Variants in CAMKMT observed in about 807,000 individuals in gnomAD.
The protein encoded by CAMKMT is calmodulin-lysine N-methyltransferase.
In CAMKMT, 53 loss-of-function variants were observed where a neutral mutation model predicts 48.0. The observed-to-expected ratio is 1.10, with a 90% confidence interval of 0.89 to 1.39. The LOEUF is 1.39. Ranked by LOEUF, CAMKMT falls within the 40% of genes most tolerant of loss-of-function variation. The pLI is 0.00. For missense variants in CAMKMT, 428 were observed against 402.7 expected (o/e 1.06, Z -0.54); for synonymous variants, 165 against 152.3 (o/e 1.08, Z -0.61).
At chr2:44,367,256 G>A (rs939138344) in intron 1 of CAMKMT, among the ~76,000 whole-genome samples, 6 of 152,044 alleles carry the variant, frequency 3.9e-5, no homozygotes, top group African/African-American at 1.4e-4. Context: ...TCCGAGAAAG[G>A]AAACCTGGTT....
At chr2:44,489,003 C>T (rs1335775678) in intron 3 of CAMKMT, among the ~76,000 whole-genome samples, 2 of 151,796 alleles carry the variant, frequency 1.3e-5, no homozygotes, top group African/African-American at 4.8e-5. Context: ...GGAGCTGGGA[C>T]TGCAGGTATA....
intron 3 of CAMKMT, among the ~76,000 whole-genome samples, chr2:44,571,832 A>G (rs1668922299): frequency 6.6e-6 from 1 of 152,148 alleles, no homozygotes; most frequent in Admixed American, 6.5e-5. Context: ...ATTAAAAACT[A>G]AAAAAGAGAC....
chr2:44,384,833 G>A (rs1001255270), intron 2 of CAMKMT, among the ~76,000 whole-genome samples: 2 of 152,038 alleles, frequency 1.3e-5, no homozygotes, highest in African/African-American at 4.8e-5. Context: ...CTGTTCCAGT[G>A]GTCTCTGTGC....
chr2:44,568,966 G>C (rs1202140403), intron 3 of CAMKMT, among the ~76,000 whole-genome samples: 3 of 152,162 alleles, frequency 2.0e-5, no homozygotes, highest in Non-Finnish European at 2.9e-5. Context: ...CAATGGTGGT[G>C]GTTGAAATGT....
chr2:44,705,141 A>AT (rs891420952), intron 4 of CAMKMT, among the ~76,000 whole-genome samples: 1 of 152,054 alleles, frequency 6.6e-6, no homozygotes, highest in Non-Finnish European at 1.5e-5. Flanking sequence ...AATAATATGT[A>AT]TTTTTTTAAG....
At chr2:44,766,620 A>G (rs1295129514) in intron 10 of CAMKMT, 59 bp downstream of exon 10, 2 of 1,586,968 alleles carry the variant, frequency 1.3e-6, no homozygotes, top group Non-Finnish European at 8.6e-7. Flanking sequence ...TGAAGAGATC[A>G]TGGTCTTTTT....
At chr2:44,554,193 T>A (rs982366774) in intron 3 of CAMKMT, among the ~76,000 whole-genome samples, 2 of 152,088 alleles carry the variant, frequency 1.3e-5, no homozygotes, top group Non-Finnish European at 2.9e-5. Flanking sequence ...TAAGATAGAG[T>A]TTATACCTTT....
chr2:44,628,617 G>A (rs1672630556), intron 3 of CAMKMT, among the ~76,000 whole-genome samples: 1 of 151,360 alleles, frequency 6.6e-6, no homozygotes, highest in Non-Finnish European at 1.5e-5. Flanking sequence ...CTAGGTTCAA[G>A]TGATCCACCT....
At chr2:44,663,692 A>G (rs1674801905) in intron 3 of CAMKMT, among the ~76,000 whole-genome samples, 1 of 152,182 alleles carries the variant, frequency 6.6e-6, no homozygotes, top group African/African-American at 2.4e-5. Context: ...TTAATTGCCT[A>G]TAACATTTTA....
At chr2:44,748,874 C>G (rs1363767001) in intron 8 of CAMKMT, among the ~76,000 whole-genome samples, 1 of 152,066 alleles carries the variant, frequency 6.6e-6, no homozygotes, top group African/African-American at 2.4e-5. Context: ...AATAGAGAGT[C>G]CTGAAGAGCG....
At chr2:44,596,721 G>T (rs1033684482) in intron 3 of CAMKMT, among the ~76,000 whole-genome samples, 2 of 152,034 alleles carry the variant, frequency 1.3e-5, no homozygotes, top group African/African-American at 4.8e-5. Flanking sequence ...AATTGTGCTT[G>T]CATCATCACA....
chr2:44,537,888 A>G (rs1666867709), intron 3 of CAMKMT, among the ~76,000 whole-genome samples: 1 of 152,204 alleles, frequency 6.6e-6, no homozygotes, highest in African/African-American at 2.4e-5. Context: ...TATGGAAAAC[A>G]GTATGGAGGT....
chr2:44,606,775 G>A (rs1671308131), intron 3 of CAMKMT, among the ~76,000 whole-genome samples: 1 of 151,460 alleles, frequency 6.6e-6, no homozygotes. Context: ...TTTTATAAAA[G>A]TAGAATAAAT....
chr2:44,372,605 G>A, intron 1 of CAMKMT, 111 bp from the exon 2 acceptor site: 1 of 799,748 alleles, frequency 1.3e-6, no homozygotes, highest in South Asian at 1.9e-5. Flanking sequence ...TATCTAATCT[G>A]TCATTATTAG....
intron 2 of CAMKMT, among the ~76,000 whole-genome samples, chr2:44,377,520 C>G (rs979024141): frequency 2.0e-5 from 3 of 152,024 alleles, no homozygotes; most frequent in African/African-American, 7.2e-5. Flanking sequence ...CAACTTAATT[C>G]CAGCACAGCA....
intron 3 of CAMKMT, among the ~76,000 whole-genome samples, chr2:44,678,685 G>T (rs1292562665): frequency 6.6e-6 from 1 of 152,170 alleles, no homozygotes; most frequent in African/African-American, 2.4e-5. Context: ...TTTTGTGCTT[G>T]TATTTTTATC....
chr2:44,522,011 CTT>C (rs1353455110), intron 3 of CAMKMT, among the ~76,000 whole-genome samples: 4 of 143,526 alleles, frequency 2.8e-5, no homozygotes, highest in African/African-American at 2.6e-5. Flanking sequence ...TTCTTTCTTT[CTT>C]TTTTTTTTTT....
intron 3 of CAMKMT, among the ~76,000 whole-genome samples, chr2:44,479,357 T>C (rs1015039013): frequency 7.2e-5 from 11 of 152,238 alleles, no homozygotes; most frequent in Admixed American, 7.2e-4. Context: ...GGAACAACTT[T>C]GTGAAACTGT....
Position 44,742,425 on chromosome 2 carries a change from T to C in CAMKMT, c.624-1197T>C, listed in dbSNP as rs143761169. ...CCTCCCATGCTCCAAGTCTGTATAT[T>C]CACCCAATGCATAGGATACAGCGTA... is the stretch of plus-strand genomic sequence containing the variant. On this transcript the variant is annotated intron_variant, in intron 7 of 10. Coordinates refer to ENST00000378494, the MANE Select transcript of CAMKMT (RefSeq NM_024766.5). Among the ~76,000 whole-genome samples the C allele has an allele frequency of 1.4e-3, 218 of 152,252 alleles. 2 individuals carry two copies. Among genetic ancestry groups the C allele is most frequent in the South Asian group, 5.6e-3 (27 of 4,824 alleles).
Sources: gnomAD v4.1 joint callset for allele counts (sites outside exome capture counted in the v4.1 genomes callset) on GRCh38, gnomAD v4.1.1 for gene constraint, MANE v1.5 for transcripts, NCBI Gene and HGNC (gene_info 2026-07-23, HGNC 2026-07-21) for gene names.